The following MNAT1 variants were observed in gnomAD, a reference collection of about 807,000 sequenced individuals.
MNAT1 encodes the protein MNAT1 component of CDK activating kinase, also known as CDK-activating kinase assembly factor MAT1.
Under a neutral mutation model 42.0 loss-of-function variants are expected in MNAT1, and 43 were observed. The observed-to-expected ratio is 1.02, with a 90% confidence interval of 0.80 to 1.32. The LOEUF (loss-of-function observed/expected upper bound fraction) is 1.32. MNAT1 is among the 40% of genes most tolerant of loss of function. The pLI is 0.00. For synonymous variants in MNAT1, 118 were observed against 120.0 expected, an observed-to-expected ratio of 0.98 and a Z score of 0.11; for missense variants, 306 against 350.4, an observed-to-expected ratio of 0.87 and a Z score of 1.01.
intron 1 of MNAT1, among the ~76,000 whole-genome samples, chr14:60,738,112 T>C (rs901678752): frequency 6.6e-6 from 1 of 151,268 alleles, no homozygotes; most frequent in African/African-American, 2.4e-5. Flanking sequence ...TTGTCAATTA[T>C]GTTACCAACA....
intron 7 of MNAT1, among the ~76,000 whole-genome samples, chr14:60,941,804 A>C (rs1268550018): frequency 6.6e-6 from 1 of 151,422 alleles, no homozygotes; most frequent in Admixed American, 6.6e-5. Flanking sequence ...GGAGATGGAG[A>C]CCATCGCAGC....
intron 7 of MNAT1, among the ~76,000 whole-genome samples, chr14:60,953,601 A>G (rs2036423572): frequency 6.6e-6 from 1 of 152,206 alleles, no homozygotes; most frequent in Non-Finnish European, 1.5e-5. Flanking sequence ...ACATAATTGA[A>G]TGTACCAGAT....
At chr14:60,905,125 G>T (rs754045078) in intron 7 of MNAT1, among the ~76,000 whole-genome samples, 4 of 151,942 alleles carry the variant, frequency 2.6e-5, no homozygotes, top group Admixed American at 6.6e-5. Context: ...CCTACTGTGT[G>T]CCAGTTACTG....
At chr14:60,935,555 A>G (rs1174624630) in intron 7 of MNAT1, among the ~76,000 whole-genome samples, 2 of 152,100 alleles carry the variant, frequency 1.3e-5, no homozygotes, top group Non-Finnish European at 2.9e-5. Flanking sequence ...TATTTTCAGT[A>G]TTTTAAATTC....
At position 60,812,111 on chromosome 14, in the gene MNAT1, CT is replaced by C; in HGVS notation, c.551del (p.Leu184Ter). On this transcript the variant is annotated frameshift_variant, in exon 5 of 8. Transcript: ENST00000261245. LOFTEE classifies it high-confidence loss of function. ...QQILKRKNKQ[A>X]FLDELESSDL... ...ATTCTAAAAAGGAAGAATAAGCAGG[CT>C]TTTTTAGATGAGCTGGTATGTATTA... is the stretch of plus-strand genomic sequence containing the variant. 6.3e-7 allele frequency: 1 copy of C among 1,580,624 alleles called. No homozygotes were observed. The highest frequency in any genetic ancestry group is 8.6e-7 in the Non-Finnish European group (1 of 1,168,064).
chr14:60,849,120 A>C (rs1186799337), intron 6 of MNAT1, among the ~76,000 whole-genome samples: 1 of 152,216 alleles, frequency 6.6e-6, no homozygotes, highest in Admixed American at 6.5e-5. Flanking sequence ...TTTCTTAAAC[A>C]GTGTTTGTTT....
intron 7 of MNAT1, among the ~76,000 whole-genome samples, chr14:60,956,190 G>A (rs2036485575): frequency 6.6e-6 from 1 of 151,886 alleles, no homozygotes; most frequent in Non-Finnish European, 1.5e-5. Context: ...GGTGTGTTAT[G>A]TTTACTTTTT....
At chr14:60,755,369 C>T (rs1455365182) in intron 1 of MNAT1, among the ~76,000 whole-genome samples, 4 of 152,156 alleles carry the variant, frequency 2.6e-5, no homozygotes, top group Admixed American at 2.6e-4. Flanking sequence ...TTCTTGATCT[C>T]CTGACCTCAT....
At chr14:60,841,465 A>G (rs575610549) in intron 6 of MNAT1, among the ~76,000 whole-genome samples, 66 of 152,112 alleles carry the variant, frequency 4.3e-4, no homozygotes, top group Admixed American at 2.0e-3. Context: ...TGTGTTTTTA[A>G]TCTTTAGATG....
In MNAT1 at chr14:60,911,151, C is replaced by A. The variant is rs575719088; in HGVS notation, c.809+31316C>A. ...TATTCTCTGATGGTAGTTTGTATTTCTGTGGGATCGGTGGTGATATCCCCT... is the reference window on the plus strand; with the variant it reads ...TATTCTCTGATGGTAGTTTGTATTTATGTGGGATCGGTGGTGATATCCCCT... On this transcript the variant is annotated intron_variant, in intron 7 of 7. Transcript: ENST00000261245. Among the ~76,000 whole-genome samples, 471 of 152,270 alleles carry A rather than the reference C, an allele frequency of 3.1e-3. 1 individual carries two copies. Among genetic ancestry groups the A allele is most frequent in the African/African-American group, 0.011 (448 of 41,568 alleles).
chr14:60,798,479 A>G (rs2032092257), intron 3 of MNAT1, among the ~76,000 whole-genome samples: 1 of 152,140 alleles, frequency 6.6e-6, no homozygotes, highest in Admixed American at 6.5e-5. Flanking sequence ...TGAATGGAAA[A>G]CATATTCTGA....
At chr14:60,911,472 G>T (rs1364786774) in intron 7 of MNAT1, among the ~76,000 whole-genome samples, 6 of 151,960 alleles carry the variant, frequency 3.9e-5, no homozygotes, top group Non-Finnish European at 7.4e-5. Flanking sequence ...GTGCTATAAA[G>T]TTCCCTCTAC....
intron 7 of MNAT1, among the ~76,000 whole-genome samples, chr14:60,885,440 A>T: frequency 6.6e-6 from 1 of 150,962 alleles, no homozygotes; most frequent in South Asian, 2.1e-4. Flanking sequence ...ATTCAAGTTC[A>T]CTCTTCTGCT....
intron 7 of MNAT1, among the ~76,000 whole-genome samples, chr14:60,912,361 A>G (rs1406069684): frequency 1.3e-5 from 2 of 152,108 alleles, no homozygotes; most frequent in African/African-American, 2.4e-5. Flanking sequence ...TGATCCTGTC[A>G]TTATGATGTT....
chr14:60,901,072 G>A (rs545329921), intron 7 of MNAT1, among the ~76,000 whole-genome samples: 4 of 115,348 alleles, frequency 3.5e-5, no homozygotes, highest in Admixed American at 8.8e-5. Context: ...AGCTTCAAAA[G>A]CAAGTCTGAC....
At chr14:60,776,104 A>T (rs765807000) in intron 1 of MNAT1, among the ~76,000 whole-genome samples, 7 of 152,194 alleles carry the variant, frequency 4.6e-5, no homozygotes, top group Non-Finnish European at 7.3e-5. Context: ...GAGAGGAGCA[A>T]GTGAGTTAAA....
chr14:60,899,730 G>C (rs1195346411), intron 7 of MNAT1, among the ~76,000 whole-genome samples: 1 of 152,142 alleles, frequency 6.6e-6, no homozygotes, highest in Non-Finnish European at 1.5e-5. Flanking sequence ...TGAAGAAATA[G>C]AATAGGGTCC....
At chr14:60,929,453 A>G (rs1398819813) in intron 7 of MNAT1, among the ~76,000 whole-genome samples, 3 of 151,968 alleles carry the variant, frequency 2.0e-5, no homozygotes, top group Non-Finnish European at 4.4e-5. Flanking sequence ...ATGTTAAATT[A>G]ATTTTTGTAT....
chr14:60,823,099 C>A (rs990774053), intron 6 of MNAT1, among the ~76,000 whole-genome samples: 3 of 152,108 alleles, frequency 2.0e-5, no homozygotes, highest in Admixed American at 6.5e-5. Context: ...CATCTTGGAG[C>A]AAATTTAATA....
Sources: gnomAD v4.1 joint callset for allele counts (sites outside exome capture counted in the v4.1 genomes callset) on GRCh38, gnomAD v4.1.1 for gene constraint, MANE v1.5 for transcripts, NCBI Gene and HGNC (gene_info 2026-07-23, HGNC 2026-07-21) for gene names.